The following ZFP91 variants were observed in gnomAD, a reference collection of about 807,000 sequenced individuals.
ZFP91 encodes E3 ubiquitin-protein ligase ZFP91.
ZFP91 carries 7 observed loss-of-function variants against 63.5 expected under a neutral mutation model. That is an observed-to-expected ratio of 0.11 (90% CI 0.06 to 0.21). ZFP91 has a LOEUF of 0.21. ZFP91 is among the 10% of genes least tolerant of loss of function. The probability of loss-of-function intolerance (pLI) is 1.00; values close to 1 mark genes in which losing one functional copy is unlikely to be tolerated. For missense variants in ZFP91, 628 were observed against 736.6 expected (o/e 0.85, Z 1.71); for synonymous variants, 330 against 272.1 (o/e 1.21, Z -2.10).
intron 2 of ZFP91, among the ~76,000 whole-genome samples, chr11:58,590,074 A>G (rs9667413): frequency 0.027 from 4,122 of 152,312 alleles, 181 homozygotes; most frequent in African/African-American, 0.092. Context: ...TTAAAGCAGA[A>G]TGCCCTGATA....
At chr11:58,612,506 A>G (rs1855682932) in intron 7 of ZFP91, 178 bp downstream of exon 7, 1 of 661,482 alleles carries the variant, frequency 1.5e-6, no homozygotes, top group East Asian at 2.7e-5. Flanking sequence ...TAAGAGCTTG[A>G]AATTTCTAAC....
Position 58,610,008 on chromosome 11 carries a change from G to A in ZFP91, c.549G>A (p.Lys183=). 1 of 1,614,190 alleles carries A rather than the reference G, an allele frequency of 6.2e-7. No homozygotes were observed. The highest frequency in any genetic ancestry group is 8.5e-7 in the Non-Finnish European group (1 of 1,180,034). Residue 183 remains lysine (K), a synonymous_variant, in exon 3 of 11, where the codon AAG becomes AAA. Transcript: ENST00000316059. ...CCGGTTCATTGCAGCTCATTTGCAA[G>A]TCAGAACCAAATACAGACCAACTTG... is the stretch of plus-strand genomic sequence containing the variant. The part of the protein sequence containing the change: ...SKTGSLQLIC[K]SEPNTDQLDY...
intron 9 of ZFP91, among the ~76,000 whole-genome samples, chr11:58,614,666 A>G (rs1855721828): frequency 1.3e-5 from 2 of 152,156 alleles, no homozygotes; most frequent in South Asian, 4.1e-4. Context: ...AAATTTGTTT[A>G]TATTGATCTT....
chr11:58,617,794 T>C lies in ZFP91; in HGVS notation c.*88T>C. The C allele has an allele frequency of 7.0e-7, 1 of 1,430,812 alleles. No homozygotes were observed. The highest frequency in any genetic ancestry group is 2.7e-5 in the Admixed American group (1 of 37,450). The allele number at this position is 1,430,812 out of a possible 1,614,324, so 88.6% of individuals were successfully genotyped here. Reference sequence around the variant, plus strand: ...AAAAAAAAATCTAAAGCATTTAAAATCTAGTGAAATAACTGAAGGGCCTGC... The same window carrying C: ...AAAAAAAAATCTAAAGCATTTAAAACCTAGTGAAATAACTGAAGGGCCTGC... On this transcript the variant is annotated 3_prime_UTR_variant, in exon 11 of 11. Transcript: ENST00000316059. This position sits in a 1 kb window ranked among gnomAD's most constrained non-coding sequence, Gnocchi z 4.2.
chr11:58,612,243 G>C (rs1177752097), intron 6 of ZFP91, 35 bp from the exon 7 acceptor site: 1 of 1,609,934 alleles, frequency 6.2e-7, no homozygotes, highest in Non-Finnish European at 8.5e-7. Flanking sequence ...TTTTGATTCA[G>C]AATATGTCTA....
rs1209903390 is a variant in ZFP91 at position 58,618,881 on chromosome 11, G to T, written c.*1175G>T. ...TACAGTGTTGAAACTTAAGAATTTTGAGAGGGTGAGGAGGGTTGTTCAGAA... is the reference window on the plus strand; with the variant it reads ...TACAGTGTTGAAACTTAAGAATTTTTAGAGGGTGAGGAGGGTTGTTCAGAA... On this transcript the variant is annotated 3_prime_UTR_variant, in exon 11 of 11. Coordinates refer to ENST00000316059, the MANE Select transcript of ZFP91 (RefSeq NM_053023.5). The T allele has an allele frequency of 7.4e-6, 2 of 271,348 alleles. No individual in the cohort carries two copies. Among genetic ancestry groups the T allele is most frequent in the Admixed American group, 1.0e-4 (2 of 19,974 alleles). The allele number at this position is 271,348 out of a possible 1,614,324, so 16.8% of individuals were successfully genotyped here.
At chr11:58,615,693 A>T (rs1855739021) in intron 9 of ZFP91, among the ~76,000 whole-genome samples, 1 of 152,180 alleles carries the variant, frequency 6.6e-6, no homozygotes, top group Admixed American at 6.5e-5. Context: ...ACCAACCAGC[A>T]TTGACATCAT....
chr11:58,617,656 G>T lies in ZFP91; in HGVS notation c.1663G>T (p.Gly555Cys), dbSNP rs1412015473. The T allele has an allele frequency of 1.9e-6, 3 of 1,550,562 alleles. No individual in the cohort carries two copies. The highest frequency in any genetic ancestry group is 2.6e-6 in the Non-Finnish European group (3 of 1,150,312). Residue 555 changes from glycine to cysteine, a missense_variant, in exon 11 of 11, where the codon GGT becomes TGT. Gly to Cys is a radical substitution (Grantham distance 159). Transcript: ENST00000316059. This position sits in a 1 kb window ranked among gnomAD's most constrained non-coding sequence, Gnocchi z 4.2. ...EGLVMNSDIL[G>C]ATTEVLIEDS... ...GCTGGTTATGAACTCAGATATACTC[G>T]GTGCTACCACAGAGGTTCTGATTGA...
At chr11:58,613,227 G>A (rs892933949) in intron 8 of ZFP91, among the ~76,000 whole-genome samples, 1 of 152,186 alleles carries the variant, frequency 6.6e-6, no homozygotes, top group Non-Finnish European at 1.5e-5. Flanking sequence ...AGACTGGAAA[G>A]TCCAAAAGCA....
chr11:58,606,255 C>T (rs573107434), intron 2 of ZFP91, among the ~76,000 whole-genome samples: 19 of 152,098 alleles, frequency 1.2e-4, no homozygotes, highest in Admixed American at 3.9e-4. Flanking sequence ...TTAGTAGAGA[C>T]GGGGTTTTGC....
chr11:58,606,170 T>A (rs1047762512), intron 2 of ZFP91, among the ~76,000 whole-genome samples: 1 of 152,196 alleles, frequency 6.6e-6, no homozygotes, highest in Non-Finnish European at 1.5e-5. Context: ...CAAGTGATTC[T>A]CCTACCTCAG....
chr11:58,586,853 G>A (rs1026010004), intron 2 of ZFP91, among the ~76,000 whole-genome samples: 1 of 152,108 alleles, frequency 6.6e-6, no homozygotes, highest in African/African-American at 2.4e-5. Flanking sequence ...AGAAGTTAAG[G>A]GTTTTTCAAA....
Position 58,579,389 on chromosome 11 carries a change from G to A in ZFP91, c.108G>A (p.Ala36=). 6.8e-7 allele frequency: 1 copy of A among 1,477,782 alleles called. No individual in the cohort carries two copies. The highest frequency in any genetic ancestry group is 8.9e-7 in the Non-Finnish European group (1 of 1,120,428). The allele number at this position is 1,477,782 out of a possible 1,614,324, so 91.5% of individuals were successfully genotyped here. The change falls in exon 1 of 11, where the codon GCG becomes GCA. Residue 36 remains alanine, a synonymous_variant. Transcript: ENST00000316059. Reference sequence around the variant, plus strand: ...AGCCCCAACAACGGCCCCCTGAGGCGGTCGCGGCGGCGCCTGCAGGGACCA... The same window carrying A: ...AGCCCCAACAACGGCCCCCTGAGGCAGTCGCGGCGGCGCCTGCAGGGACCA... The part of the protein sequence containing the change: ...PEEPQQRPPE[A]VAAAPAGTTS...
intron 1 of ZFP91, among the ~76,000 whole-genome samples, chr11:58,583,938 G>C (rs2097623108): frequency 6.6e-6 from 1 of 151,928 alleles, no homozygotes; most frequent in Non-Finnish European, 1.5e-5. Flanking sequence ...AAAAAACTTT[G>C]TACTGTTCAG....
In ZFP91 at chr11:58,600,169, A is replaced by G. The variant is rs553934234; in HGVS notation, c.371-9661A>G. On this transcript the variant is annotated intron_variant, in intron 2 of 10. Coordinates refer to ENST00000316059, the MANE Select transcript of ZFP91 (RefSeq NM_053023.5). ...TTTTCAAGATGGCTGTGACTAGTGTAGATCCCTTGCATTTTCCTGTGAACT... is the reference window on the plus strand; with the variant it reads ...TTTTCAAGATGGCTGTGACTAGTGTGGATCCCTTGCATTTTCCTGTGAACT... Among the ~76,000 whole-genome samples the G allele has an allele frequency of 7.9e-5, 12 of 152,036 alleles. No individual in the cohort carries two copies. In the South Asian group the frequency reaches 2.5e-3, roughly 32 times the overall value.
chr11:58,579,150 G>C lies in ZFP91; in HGVS notation c.-132G>C, dbSNP rs1164860055. 6 of 721,818 alleles carry C rather than the reference G, an allele frequency of 8.3e-6. No homozygotes were observed. Among genetic ancestry groups the C allele is most frequent in the Admixed American group, 4.4e-5 (1 of 22,604 alleles). 44.7% of individuals were successfully genotyped at this position (721,818 alleles called of 1,614,324 possible). On this transcript the variant is annotated 5_prime_UTR_variant, in exon 1 of 11. Coordinates refer to ENST00000316059, the MANE Select transcript of ZFP91 (RefSeq NM_053023.5). ...GCCCTCGGAGCCGGGCGGAGGGGAG[G>C]GGGGAAAGAGGAGCGCAGGGTGAGA...
intron 2 of ZFP91, among the ~76,000 whole-genome samples, chr11:58,594,628 T>C (rs1430013724): frequency 2.6e-5 from 4 of 152,194 alleles, no homozygotes; most frequent in Non-Finnish European, 5.9e-5. Context: ...TTTCTGTCAG[T>C]GCACCAGTGG....
intron 2 of ZFP91, among the ~76,000 whole-genome samples, chr11:58,593,674 T>C (rs1343063518): frequency 1.3e-5 from 2 of 152,250 alleles, no homozygotes; most frequent in Non-Finnish European, 2.9e-5. Context: ...TTTATGTTTG[T>C]AGCCCGCCCT....
intron 4 of ZFP91, 82 bp from the exon 5 acceptor site, chr11:58,610,868 C>A: frequency 7.7e-7 from 1 of 1,291,190 alleles, no homozygotes; most frequent in Non-Finnish European, 1.1e-6. Flanking sequence ...GTTTGGCTAC[C>A]TCTTAAAAAA....
Sources: allele counts gnomAD v4.1 joint callset (sites outside exome capture counted in the v4.1 genomes callset), GRCh38; gene constraint gnomAD v4.1.1; non-coding constraint Gnocchi (gnomAD v3.1); transcripts MANE v1.5; gene names NCBI Gene and HGNC (gene_info 2026-07-23, HGNC 2026-07-21).